DRC12: variants seen among roughly 807,000 people sequenced by gnomAD.
The protein encoded by DRC12 is dynein regulatory complex subunit 12 homolog.
chr11:119,191,576 G>A, the DRC12 span, among the ~76,000 whole-genome samples: 1 of 151,838 alleles, frequency 6.6e-6, no homozygotes, highest in African/African-American at 2.4e-5. Flanking sequence ...GGAGGCCGAG[G>A]AGGGCGGATT....
the DRC12 span, chr11:119,193,369 G>A: frequency 9.1e-6 from 8 of 881,216 alleles, no homozygotes. Context: ...AGGCCTTCTT[G>A]GTTCTTTTTG....
the DRC12 span, among the ~76,000 whole-genome samples, chr11:119,191,616 G>A: frequency 2.0e-5 from 3 of 151,600 alleles, no homozygotes; most frequent in Non-Finnish European, 2.9e-5. Context: ...AAACGAGCCC[G>A]GCCAACATAG....
the DRC12 span, among the ~76,000 whole-genome samples, chr11:119,192,537 G>A: frequency 6.6e-6 from 1 of 152,210 alleles, no homozygotes; most frequent in South Asian, 2.1e-4. Context: ...GTAGAAATCA[G>A]CTAAACTAAA....
chr11:119,190,790 G>C, the DRC12 span: 2 of 1,614,092 alleles, frequency 1.2e-6, no homozygotes, highest in Admixed American at 3.3e-5. The surrounding 1 kb of genome is among the most constrained non-coding windows in gnomAD (Gnocchi z 4.2). Flanking sequence ...CGCTCTCCGA[G>C]AGCTTGTTCA....
chr11:119,194,921 AC>A, the DRC12 span: 2 of 1,549,546 alleles, frequency 1.3e-6, no homozygotes. Context: ...TACCCTCCTT[AC>A]CCAAGTGGTC....
At chr11:119,193,741 C>A in the DRC12 span, 1 of 1,550,856 alleles carries the variant, frequency 6.4e-7, no homozygotes. Context: ...CTGTCTCCTG[C>A]CCACCTGCTT....
the DRC12 span, chr11:119,195,354 GA>G: frequency 7.3e-7 from 1 of 1,378,644 alleles, no homozygotes; most frequent in African/African-American, 1.4e-5. Context: ...ATTCTCTCTG[GA>G]GGAGCTCTGC....
At chr11:119,193,968 C>T in the DRC12 span, 1 of 1,389,636 alleles carries the variant, frequency 7.2e-7, no homozygotes, top group South Asian at 1.3e-5. Flanking sequence ...CTTTGCCCAC[C>T]TCTAGAAATC....
At chr11:119,190,739 T>A in the DRC12 span, 2 of 1,614,056 alleles carry the variant, frequency 1.2e-6, no homozygotes, top group Non-Finnish European at 8.5e-7. The surrounding 1 kb of genome is among the most constrained non-coding windows in gnomAD (Gnocchi z 4.2). Context: ...TTCGCCTCCA[T>A]GTCTGCCATG....
At chr11:119,192,018 G>A in the DRC12 span, among the ~76,000 whole-genome samples, 3 of 148,430 alleles carry the variant, frequency 2.0e-5, no homozygotes, top group African/African-American at 5.0e-5. Flanking sequence ...CTCTGTTGCC[G>A]AGGCTGGAGT....
At chr11:119,190,710 G>T in the DRC12 span, 1 of 1,613,364 alleles carries the variant, frequency 6.2e-7, no homozygotes. The surrounding 1 kb of genome is among the most constrained non-coding windows in gnomAD (Gnocchi z 4.2). Context: ...TGGTGCTTAC[G>T]TGTAAGATTT....
the DRC12 span, chr11:119,193,336 G>A: frequency 9.1e-7 from 1 of 1,095,034 alleles, no homozygotes; most frequent in East Asian, 2.4e-5. Context: ...GACTCTACTT[G>A]GTCTAGTGGA....
At chr11:119,193,410 C>A in the DRC12 span, 1 of 842,858 alleles carries the variant, frequency 1.2e-6, no homozygotes, top group Non-Finnish European at 1.8e-6. Context: ...CCATGAAAAC[C>A]TGAGGAAGGG....
the DRC12 span, among the ~76,000 whole-genome samples, chr11:119,191,633 C>T: frequency 1.3e-5 from 2 of 151,630 alleles, no homozygotes; most frequent in Admixed American, 1.3e-4. Flanking sequence ...ATAGGTGAAT[C>T]TCCATCTCTA....
At chr11:119,191,987 T>C in the DRC12 span, among the ~76,000 whole-genome samples, 7 of 151,756 alleles carry the variant, frequency 4.6e-5, no homozygotes, top group Admixed American at 3.9e-4. Context: ...CTTTTTTTTT[T>C]TTTTTTTAGT....
At chr11:119,195,152 G>A in the DRC12 span, 2 of 654,788 alleles carry the variant, frequency 3.1e-6, no homozygotes, top group Admixed American at 2.7e-5. Flanking sequence ...TCAGCACCGT[G>A]TCCTCACCGA....
At chr11:119,190,827 C>G in the DRC12 span, 3 of 1,612,600 alleles carry the variant, frequency 1.9e-6, no homozygotes, top group Non-Finnish European at 1.7e-6. The surrounding 1 kb of genome is among the most constrained non-coding windows in gnomAD (Gnocchi z 4.2). Context: ...CTGCAGCCTC[C>G]CTTTGGCATG....
At chr11:119,194,535 A>T in the DRC12 span, among the ~76,000 whole-genome samples, 58 of 133,488 alleles carry the variant, frequency 4.3e-4, 1 homozygote, top group African/African-American at 1.2e-3. Flanking sequence ...AAAAAAAAAA[A>T]AAAAAAAAAA....
chr11:119,191,572 C>T, the DRC12 span, among the ~76,000 whole-genome samples: 15 of 151,570 alleles, frequency 9.9e-5, no homozygotes, highest in African/African-American at 3.4e-4. Flanking sequence ...TTTGGGAGGC[C>T]GAGGAGGGCG....
Sources: allele counts gnomAD v4.1 joint callset (sites outside exome capture counted in the v4.1 genomes callset), GRCh38; gene constraint gnomAD v4.1.1; non-coding constraint Gnocchi (gnomAD v3.1); transcripts MANE v1.5; gene names NCBI Gene and HGNC (gene_info 2026-07-23, HGNC 2026-07-21).